BTNL2: variants seen among roughly 807,000 people sequenced by gnomAD.
BTNL2 encodes the protein butyrophilin-like protein 2.
Under a neutral mutation model 46.8 loss-of-function variants are expected in BTNL2, and 46 were observed. The ratio of observed to expected loss-of-function variants is 0.98; its 90% CI spans 0.78 to 1.26. BTNL2 has a LOEUF of 1.26. Ranked by LOEUF, BTNL2 falls within the 50% of genes most tolerant of loss-of-function variation. BTNL2 has a pLI of 0.00. For synonymous variants in BTNL2, 226 were observed against 229.1 expected (o/e 0.99, Z 0.12); for missense variants, 461 against 592.6 (o/e 0.78, Z 2.31).
At position 32,399,973 on chromosome 6, in the gene BTNL2, C is replaced by T. The variant is rs372081750; in HGVS notation, c.730+1812G>A. 6.6e-6 allele frequency among the ~76,000 whole-genome samples: 1 copy of T among 151,512 alleles called. No homozygotes were observed. Among genetic ancestry groups the T allele is most frequent in the Non-Finnish European group, 1.5e-5 (1 of 67,994 alleles). On this transcript the variant is annotated intron_variant, in intron 4 of 7. Transcript: ENST00000454136. The surrounding 1 kb of genome is among the most constrained non-coding windows in gnomAD (Gnocchi z 5.2). ...TTTCCGTGTTGGTTAATTGTGGCCC[C>T]GGAGGTTACCATGACTTAGGAACAA...
chr6:32,404,887 A>G (rs1352248355), intron 2 of BTNL2, 52 bp downstream of exon 2: 1 of 1,530,254 alleles, frequency 6.5e-7, no homozygotes, highest in Non-Finnish European at 9.0e-7. Flanking sequence ...GCTTACCACA[A>G]ATTAATATAT....
chr6:32,396,531 G>A lies in BTNL2; in HGVS notation c.731-145C>T. On this transcript the variant is annotated intron_variant, in intron 4 of 7. Coordinates refer to ENST00000454136, the MANE Select transcript of BTNL2 (RefSeq NM_001304561.2). This position sits in a 1 kb window ranked among gnomAD's most constrained non-coding sequence, Gnocchi z 4.4. ...TCAGGGTCATCCTTAGGTGAGGTGG[G>A]GGTTTCATGGACTCAGAATAGAGGT... 1 of 750,390 alleles carries A rather than the reference G, an allele frequency of 1.3e-6. No individual in the cohort carries two copies. Among genetic ancestry groups the A allele is most frequent in the Non-Finnish European group, 2.3e-6 (1 of 442,220 alleles). 46.5% of individuals were successfully genotyped at this position (750,390 alleles called of 1,614,324 possible).
Position 32,396,101 on chromosome 6 carries a change from T to G in BTNL2, c.1016A>C (p.Tyr339Ser). Reference sequence around the variant, plus strand: ...ATCATCTTTTTCAAAAAGGCAGCGGTACTGCCCGTCGTCCGAAGGTCTGGC... The same window carrying G: ...ATCATCTTTTTCAAAAAGGCAGCGGGACTGCCCGTCGTCCGAAGGTCTGGC... ...LSARPSDDGQ[Y>S]RCLFEKDDVY... The change falls in exon 5 of 8, where the codon TAC becomes TCC. Residue 339 changes from tyrosine to serine, a missense_variant. By Grantham distance (144) the Tyr-to-Ser change is moderately radical (BLOSUM62 -2). Transcript: ENST00000454136. The surrounding 1 kb of genome is among the most constrained non-coding windows in gnomAD (Gnocchi z 4.4). The G allele has an allele frequency of 6.2e-7, 1 of 1,613,102 alleles. No individual in the cohort carries two copies. The highest frequency in any genetic ancestry group is 8.5e-7 in the Non-Finnish European group (1 of 1,180,032).
In BTNL2 at chr6:32,405,016, G is replaced by T; in HGVS notation, c.350C>A (p.Ser117Tyr). The T allele has an allele frequency of 6.2e-7, 1 of 1,613,088 alleles. No individual in the cohort carries two copies. The highest frequency in any genetic ancestry group is 8.5e-7 in the Non-Finnish European group (1 of 1,180,044). ...ATGGCACCAGTATTGTCCATTGTCG[G>T]AGGGCTGGATGTTGTGTATCTTCAG... ...VALKIHNIQP[S>Y]DNGQYWCHFQ... The change falls in exon 2 of 8, where the codon TCC becomes TAC. Residue 117 changes from serine (S) to tyrosine (Y), a missense_variant. By Grantham distance (144) the Ser-to-Tyr change is moderately radical. Transcript: ENST00000454136.
chr6:32,404,843 G>T, intron 2 of BTNL2, 96 bp downstream of exon 2: 2 of 1,195,008 alleles, frequency 1.7e-6, no homozygotes, highest in Non-Finnish European at 2.4e-6. Context: ...GAATTACCTT[G>T]ATGATTCAAA....
chr6:32,405,527 A>G (rs1468438302), intron 1 of BTNL2: 2 of 561,392 alleles, frequency 3.6e-6, no homozygotes, highest in Non-Finnish European at 6.5e-6. Context: ...CCTACCAGCT[A>G]TGTGATTCGG....
chr6:32,400,753 A>C (rs865842509), intron 4 of BTNL2, among the ~76,000 whole-genome samples: 1,870 of 85,206 alleles, frequency 0.022, no homozygotes, highest in East Asian at 0.028. Flanking sequence ...ACTAAAAAAA[A>C]AAAAAAAAAA....
intron 1 of BTNL2, 174 bp downstream of exon 1, chr6:32,406,871 T>C: frequency 3.5e-6 from 2 of 579,096 alleles, no homozygotes; most frequent in Non-Finnish European, 6.2e-6. Flanking sequence ...GTGACTCAGC[T>C]AGGAGTGGAG....
At chr6:32,401,190 A>T (rs1776761149) in intron 4 of BTNL2, among the ~76,000 whole-genome samples, 2 of 126,502 alleles carry the variant, frequency 1.6e-5, no homozygotes, top group Admixed American at 9.7e-5. Flanking sequence ...CCTGGGCGAC[A>T]GAGCAAGACT....
chr6:32,398,836 C>T (rs1347223334), intron 4 of BTNL2, among the ~76,000 whole-genome samples: 2 of 152,174 alleles, frequency 1.3e-5, no homozygotes, highest in Admixed American at 1.3e-4. Context: ...GTTTAAAGTG[C>T]TAAAAAAATC....
intron 1 of BTNL2, chr6:32,406,716 C>G: frequency 5.8e-6 from 1 of 172,740 alleles, no homozygotes; most frequent in Admixed American, 6.1e-5. Flanking sequence ...AATAATTTAA[C>G]GTGGTGCAAC....
At position 32,399,024 on chromosome 6, in the gene BTNL2, C is replaced by A. The variant is rs537610375; in HGVS notation, c.731-2638G>T. On this transcript the variant is annotated intron_variant, in intron 4 of 7. Coordinates refer to ENST00000454136, the MANE Select transcript of BTNL2 (RefSeq NM_001304561.2). This position sits in a 1 kb window ranked among gnomAD's most constrained non-coding sequence, Gnocchi z 5.2. ...TGGTGGCTTACTGCACAGGTCATCCCATCACCCAGGTGTTAAGCCCAGCAT... is the reference window on the plus strand; with the variant it reads ...TGGTGGCTTACTGCACAGGTCATCCAATCACCCAGGTGTTAAGCCCAGCAT... Among the ~76,000 whole-genome samples, 6 of 152,252 alleles carry A rather than the reference C, an allele frequency of 3.9e-5. No individual in the cohort carries two copies. Among genetic ancestry groups the A allele is most frequent in the African/African-American group, 1.4e-4 (6 of 41,536 alleles).
rs17202400 is a variant in BTNL2, at chr6:32,393,748, T to C, written c.*6+215A>G. 0.096 allele frequency: 46,945 copies of C among 489,228 alleles called. 3,223 individuals carry two copies. The highest frequency in any genetic ancestry group is 0.12 in the African/African-American group (6,055 of 50,278). 30.3% of individuals were successfully genotyped at this position (489,228 alleles called of 1,614,324 possible). A position where few individuals can be genotyped will look rare whatever the true frequency, so the allele number is the denominator to read the frequency against. On this transcript the variant is annotated intron_variant, in intron 7 of 7. Coordinates refer to ENST00000454136, the MANE Select transcript of BTNL2 (RefSeq NM_001304561.2). This position sits in a 1 kb window ranked among gnomAD's most constrained non-coding sequence, Gnocchi z 4.8. The stretch of plus-strand genomic sequence containing the variant: ...AAATCAAATCATTATCTTTTAATCA[T>C]TTTGCTTCTATTACAAGTGGAAACA...
chr6:32,396,371 T>A lies in BTNL2; in HGVS notation c.746A>T (p.Asn249Ile), dbSNP rs114609366. The A allele has an allele frequency of 9.8e-4, 1,586 of 1,612,620 alleles. 13 individuals carry two copies. The African/African-American group carries it at 0.018, about 18-fold the overall frequency. The stretch of plus-strand genomic sequence containing the variant: ...GACGAGGATGGGCTGGGAAGGTCCA[T>A]TCACTTTTAAAGAAGCTGTTAAATA... ...LQTELASLKV[N>I]GPSQPILVRV... is the part of the protein sequence containing the mutation. The change falls in exon 5 of 8, where the codon AAT becomes ATT. Residue 249 changes from asparagine (N) to isoleucine (I), a missense_variant. Coordinates refer to ENST00000454136, the MANE Select transcript of BTNL2 (RefSeq NM_001304561.2). This position sits in a 1 kb window ranked among gnomAD's most constrained non-coding sequence, Gnocchi z 4.4.
chr6:32,395,037 A>C lies in BTNL2; in HGVS notation c.1079-12T>G. The C allele has an allele frequency of 6.5e-7, 1 of 1,541,948 alleles. No individual in the cohort carries two copies. The highest frequency in any genetic ancestry group is 8.7e-7 in the Non-Finnish European group (1 of 1,143,338). ...GGAAGAACCCAGACCTGGGGCAGAG[A>C]AAGCAACCAAAGCCTGGGGTCCTTT... On this transcript the variant is annotated splice_polypyrimidine_tract_variant and intron_variant, in intron 5 of 7. Coordinates refer to ENST00000454136, the MANE Select transcript of BTNL2 (RefSeq NM_001304561.2).
At chr6:32,402,563 A>G (rs576851401) in intron 3 of BTNL2, among the ~76,000 whole-genome samples, 4 of 152,364 alleles carry the variant, frequency 2.6e-5, no homozygotes, top group Admixed American at 2.6e-4. Context: ...CTATTATGCA[A>G]ATAGTTGTCT....
At chr6:32,401,516 A>G (rs116923699) in intron 4 of BTNL2, among the ~76,000 whole-genome samples, 2,658 of 152,198 alleles carry the variant, frequency 0.017, 77 homozygotes, top group East Asian at 0.11. Flanking sequence ...AACACATAGA[A>G]CAGAGATGAT....
intron 4 of BTNL2, among the ~76,000 whole-genome samples, chr6:32,400,661 CA>C (rs9279631): frequency 0.41 from 60,818 of 147,018 alleles, 12,905 homozygotes; most frequent in Admixed American, 0.48. Flanking sequence ...GTAATCCCAG[CA>C]CCTTTGGGAG....
At position 32,399,352 on chromosome 6, in the gene BTNL2, T is replaced by C. The variant is rs1043214705; in HGVS notation, c.730+2433A>G. Among the ~76,000 whole-genome samples, 115 of 152,362 alleles carry C rather than the reference T, an allele frequency of 7.5e-4. No individual in the cohort carries two copies. Among genetic ancestry groups the C allele is most frequent in the African/African-American group, 2.7e-3 (111 of 41,588 alleles). On this transcript the variant is annotated intron_variant, in intron 4 of 7. Transcript: ENST00000454136. This position sits in a 1 kb window ranked among gnomAD's most constrained non-coding sequence, Gnocchi z 5.2. ...TGAAGTACACTGAATTATACACTGA[T>C]TCCTTGAAACCTGATAATCTCATCA...
Sources: gnomAD v4.1 joint callset for allele counts (sites outside exome capture counted in the v4.1 genomes callset) on GRCh38, gnomAD v4.1.1 for gene constraint, Gnocchi (gnomAD v3.1) non-coding constraint, MANE v1.5 for transcripts, NCBI Gene and HGNC (gene_info 2026-07-23, HGNC 2026-07-21) for gene names.